ZFP92: variants seen among roughly 807,000 people sequenced by gnomAD.
ZFP92 encodes the protein ZFP92 zinc finger protein, also known as zinc finger protein 92 homolog.
In ZFP92, 2 loss-of-function variants were observed where a neutral mutation model predicts 7.6. The ratio of observed to expected loss-of-function variants is 0.26; its 90% CI spans 0.11 to 0.83. The LOEUF is 0.83. Among genes scored for constraint, ZFP92 ranks in the 40% least tolerant of loss-of-function variants. The pLI is 0.65. For synonymous variants in ZFP92, 226 were observed against 183.6 expected, an observed-to-expected ratio of 1.23 and a Z score of -1.87; for missense variants, 324 against 408.3, an observed-to-expected ratio of 0.79 and a Z score of 1.78.
At position 153,425,066 on chromosome X, in the gene ZFP92, G is replaced by A. The variant is rs1445920473; in HGVS notation, c.*3438G>A. 8.9e-6 allele frequency: 1 copy of A among 112,545 alleles called. No homozygotes were observed. The highest frequency in any genetic ancestry group is 9.4e-5 in the Admixed American group (1 of 10,680). The allele number at this position is 112,545 out of a possible 1,213,427, so 9.3% of individuals were successfully genotyped here. A position where few individuals can be genotyped will look rare whatever the true frequency, so the allele number is the denominator to read the frequency against. ...TGACTGGGACCACAGGCAGCCACCC[G>A]AGGCCACTCAGATGCCGTGACTCTG... On this transcript the variant is annotated 3_prime_UTR_variant, in exon 6 of 6. Coordinates refer to ENST00000338647, the MANE Select transcript of ZFP92 (RefSeq NM_001136273.2).
rs1468757413 is a variant in ZFP92 at position 153,421,657 on chromosome X, C to T, written c.*29C>T. On this transcript the variant is annotated 3_prime_UTR_variant, in exon 6 of 6. Coordinates refer to ENST00000338647, the MANE Select transcript of ZFP92 (RefSeq NM_001136273.2). ...CCCGCCAGCGCACCCAGGGCGCGGC[C>T]GGTCTGCGTGGGGGGCCTTCCTGGG... is the stretch of plus-strand genomic sequence containing the variant. The T allele has an allele frequency of 1.5e-5, 14 of 943,993 alleles. No individual in the cohort carries two copies. The highest frequency in any genetic ancestry group is 2.1e-5 in the African/African-American group (1 of 47,871). The allele number at this position is 943,993 out of a possible 1,213,427, so 77.8% of individuals were successfully genotyped here. A position where few individuals can be genotyped will look rare whatever the true frequency, so the allele number is the denominator to read the frequency against.
chrX:153,417,087 A>C (rs938152121), intron 2 of ZFP92, among the ~76,000 whole-genome samples: 1 of 112,401 alleles, frequency 8.9e-6, no homozygotes, highest in Admixed American at 9.3e-5. Flanking sequence ...TTGCAACGTG[A>C]CGTGTGGAGA....
chrX:153,417,097 ACT>A (rs2088958719), intron 2 of ZFP92, among the ~76,000 whole-genome samples: 1 of 112,048 alleles, frequency 8.9e-6, no homozygotes, highest in Admixed American at 9.4e-5. Flanking sequence ...ACGTGTGGAG[ACT>A]CAGATATCCA....
chrX:153,418,192 G>C lies in ZFP92; in HGVS notation c.-18-113G>C, dbSNP rs782454194. ...AGCTGCAGGAGTGAGAACACCACAG[G>C]TGGCCGCTGTGCTTATTTCACAAGA... On this transcript the variant is annotated intron_variant, in intron 2 of 5. Coordinates refer to ENST00000338647, the MANE Select transcript of ZFP92 (RefSeq NM_001136273.2). 7.8e-5 allele frequency: 66 copies of C among 848,311 alleles called. No homozygotes were observed. The South Asian group carries it at 1.3e-3, about 16-fold the overall frequency. 69.9% of individuals were successfully genotyped at this position (848,311 alleles called of 1,213,427 possible). A position where few individuals can be genotyped will look rare whatever the true frequency, so the allele number is the denominator to read the frequency against.
In ZFP92 at chrX:153,416,510, C is replaced by A. The variant is rs782715000; in HGVS notation, c.-18-1795C>A. On this transcript the variant is annotated intron_variant, in intron 2 of 5. Transcript: ENST00000338647. ...AGGCAAATACTGTGGCTGTCCTTCTCTATGCTCCTGGGATCCTGTGCCCTC... is the reference window on the plus strand; with the variant it reads ...AGGCAAATACTGTGGCTGTCCTTCTATATGCTCCTGGGATCCTGTGCCCTC... 2.7e-5 allele frequency among the ~76,000 whole-genome samples: 3 copies of A among 111,575 alleles called. No individual in the cohort carries two copies. In the South Asian group the frequency reaches 1.1e-3, roughly 42 times the overall value.
At chrX:153,415,210 AGTG>A (rs1286160181) in intron 2 of ZFP92, among the ~76,000 whole-genome samples, 1 of 112,869 alleles carries the variant, frequency 8.9e-6, no homozygotes, top group African/African-American at 3.2e-5. Context: ...TTGTAAGAAA[AGTG>A]GTGGGAGTGG....
chrX:153,421,109 G>A lies in ZFP92; in HGVS notation c.732G>A (p.Leu244=). The A allele has an allele frequency of 1.7e-6, 2 of 1,167,227 alleles. No individual in the cohort carries two copies. Among genetic ancestry groups the A allele is most frequent in the South Asian group, 3.8e-5 (2 of 52,964 alleles). Residue 244 remains leucine (L), a synonymous_variant, in exon 6 of 6, where the codon CTG becomes CTA. Coordinates refer to ENST00000338647, the MANE Select transcript of ZFP92 (RefSeq NM_001136273.2). ...RPFACGDCGK[L]FRRSFALLEH... is the part of the protein sequence containing the mutation. Reference sequence around the variant, plus strand: ...TCGCCTGCGGCGACTGCGGCAAACTGTTCCGCCGCAGCTTCGCGCTCCTGG... The same window carrying A: ...TCGCCTGCGGCGACTGCGGCAAACTATTCCGCCGCAGCTTCGCGCTCCTGG...
chrX:153,420,402 G>A, intron 5 of ZFP92, 70 bp downstream of exon 5: 1 of 990,447 alleles, frequency 1.0e-6, no homozygotes. Flanking sequence ...GGGGGCGGGG[G>A]AGGGTACCCT....
At position 153,412,258 on chromosome X, in the gene ZFP92, G is replaced by A. The variant is rs144660229; in HGVS notation, c.-19+245G>A. On this transcript the variant is annotated intron_variant, in intron 2 of 5. Coordinates refer to ENST00000338647, the MANE Select transcript of ZFP92 (RefSeq NM_001136273.2). ...CAAGCCAAGGAGGAAGCGAAGGGCC[G>A]ATGGAAGTGGTGGGCAAGGGTGAGA... 5.7e-3 allele frequency among the ~76,000 whole-genome samples: 644 copies of A among 112,445 alleles called. 3 individuals carry two copies. The highest frequency in any genetic ancestry group is 0.02 in the African/African-American group (615 of 30,981).
At chrX:153,414,564 G>T (rs2088935481) in intron 2 of ZFP92, among the ~76,000 whole-genome samples, 1 of 111,280 alleles carries the variant, frequency 9.0e-6, no homozygotes, top group Admixed American at 9.5e-5. Flanking sequence ...GGCCAGGCTG[G>T]TCTCCAACTC....
rs186911117 is a variant in ZFP92, at chrX:153,413,457, C to T, written c.-19+1444C>T. Among the ~76,000 whole-genome samples the T allele has an allele frequency of 3.8e-3, 412 of 108,458 alleles. 1 individual carries two copies. Among genetic ancestry groups the T allele is most frequent in the Middle Eastern group, 0.019 (4 of 216 alleles). 94.2% of individuals were successfully genotyped at this position (108,458 alleles called of 115,157 possible). On this transcript the variant is annotated intron_variant, in intron 2 of 5. Coordinates refer to ENST00000338647, the MANE Select transcript of ZFP92 (RefSeq NM_001136273.2). ...GGTCCGCAAGCAGGGGTCCCGGGTC[C>T]GAGGCCCCTCACAGAGGTGGAGCAG...
Position 153,421,964 on chromosome X carries a change from A to G in ZFP92, c.*336A>G. On this transcript the variant is annotated 3_prime_UTR_variant, in exon 6 of 6. Coordinates refer to ENST00000338647, the MANE Select transcript of ZFP92 (RefSeq NM_001136273.2). ...CCTGGGCCACTCGTCCCTGAGCCAC[A>G]GGTACTATCGAGTGTGCACAGGCGT... 1 of 152,480 alleles carries G rather than the reference A, an allele frequency of 6.6e-6. No individual in the cohort carries two copies. The highest frequency in any genetic ancestry group is 1.3e-5 in the Non-Finnish European group (1 of 78,658). The allele number at this position is 152,480 out of a possible 1,213,427, so 12.6% of individuals were successfully genotyped here.
chrX:153,421,618 G>A lies in ZFP92; in HGVS notation c.1241G>A (p.Ser414Asn). 1 of 989,189 alleles carries A rather than the reference G, an allele frequency of 1.0e-6. No individual in the cohort carries two copies. The highest frequency in any genetic ancestry group is 4.6e-5 in the East Asian group (1 of 21,649). The allele number at this position is 989,189 out of a possible 1,213,427, so 81.5% of individuals were successfully genotyped here. Residue 414 changes from serine to asparagine, a missense_variant, in exon 6 of 6, where the codon AGC becomes AAC. Ser to Asn is a conservative substitution (Grantham distance 46). Transcript: ENST00000338647. Reference sequence around the variant, plus strand: ...ACAGCCGCCAGGCCTTCCAGGCCCAGCCGCCGCTGACTCCCCGCCAGCGCA... The same window carrying A: ...ACAGCCGCCAGGCCTTCCAGGCCCAACCGCCGCTGACTCCCCGCCAGCGCA... Reference protein sequence around the residue: ...PSTAARPSRPSRR With the variant: ...PSTAARPSRPNRR
intron 2 of ZFP92, among the ~76,000 whole-genome samples, chrX:153,412,573 T>C (rs2088917358): frequency 8.9e-6 from 1 of 112,143 alleles, no homozygotes; most frequent in African/African-American, 3.2e-5. Flanking sequence ...CTAGAATAAG[T>C]CTCATTTCTA....
intron 2 of ZFP92, among the ~76,000 whole-genome samples, chrX:153,415,902 C>G (rs2088947234): frequency 9.0e-6 from 1 of 111,242 alleles, no homozygotes; most frequent in Non-Finnish European, 1.9e-5. Flanking sequence ...GAGGGCCACC[C>G]CATAATCACC....
rs1556974965 is a variant in ZFP92 at position 153,421,108 on chromosome X, T to C, written c.731T>C (p.Leu244Pro). ...TTCGCCTGCGGCGACTGCGGCAAAC[T>C]GTTCCGCCGCAGCTTCGCGCTCCTG... is the stretch of plus-strand genomic sequence containing the variant. ...RPFACGDCGK[L>P]FRRSFALLEH... is the part of the protein sequence containing the mutation. The change falls in exon 6 of 6, where the codon CTG becomes CCG. Residue 244 changes from leucine (L) to proline (P), a missense_variant. Coordinates refer to ENST00000338647, the MANE Select transcript of ZFP92 (RefSeq NM_001136273.2). 3 of 1,157,629 alleles carry C rather than the reference T, an allele frequency of 2.6e-6. No homozygotes were observed. The highest frequency in any genetic ancestry group is 3.4e-6 in the Non-Finnish European group (3 of 870,995).
intron 4 of ZFP92, among the ~76,000 whole-genome samples, chrX:153,419,850 A>T (rs2088983748): frequency 1.8e-5 from 2 of 112,132 alleles, no homozygotes; most frequent in South Asian, 3.7e-4. Context: ...AGGGCAATTC[A>T]GCTTTCGGGG....
At chrX:153,416,162 T>C (rs1453304281) in intron 2 of ZFP92, among the ~76,000 whole-genome samples, 1 of 111,416 alleles carries the variant, frequency 9.0e-6, no homozygotes, top group Non-Finnish European at 1.9e-5. Context: ...CCCAAGGGCC[T>C]CTGGACACTG....
chrX:153,418,510 G>A (rs888768083), intron 3 of ZFP92, among the ~76,000 whole-genome samples, 155 bp downstream of exon 3: 18 of 111,598 alleles, frequency 1.6e-4, no homozygotes, highest in African/African-American at 5.9e-4. Flanking sequence ...GCCTCTGTCG[G>A]CTGTGCTGCC....
Sources: gnomAD v4.1 joint callset for allele counts (sites outside exome capture counted in the v4.1 genomes callset) on GRCh38, gnomAD v4.1.1 for gene constraint, MANE v1.5 for transcripts, NCBI Gene and HGNC (gene_info 2026-07-23, HGNC 2026-07-21) for gene names.